The following EOGT variants were observed in gnomAD, a reference collection of about 807,000 sequenced individuals.
EOGT encodes EGF domain specific O-linked N-acetylglucosamine transferase.
A neutral mutation model predicts 70.5 loss-of-function variants in EOGT; 55 were observed. That is an observed-to-expected ratio of 0.78 (90% CI 0.63 to 0.98). The LOEUF is 0.98. Among genes scored for constraint, EOGT ranks in the 50% least tolerant of loss-of-function variants. EOGT has a pLI of 0.00. For synonymous variants in EOGT, 246 were observed against 217.1 expected (o/e 1.13, Z -1.17); for missense variants, 703 against 641.9 (o/e 1.10, Z -1.03).
intron 9 of EOGT, among the ~76,000 whole-genome samples, chr3:68,998,978 T>C (rs954821283): frequency 2.0e-5 from 3 of 152,182 alleles, no homozygotes; most frequent in Non-Finnish European, 2.9e-5. Context: ...ACATGTATCA[T>C]TCCTGGAAAA....
chr3:68,995,977 C>T (rs1367439514), intron 10 of EOGT, among the ~76,000 whole-genome samples: 1 of 152,098 alleles, frequency 6.6e-6, no homozygotes, highest in African/African-American at 2.4e-5. Context: ...ATGTTAATTA[C>T]AAAATTTAAA....
chr3:68,976,638 C>T lies in EOGT; in HGVS notation c.*980G>A, dbSNP rs2090478240. On this transcript the variant is annotated 3_prime_UTR_variant, in exon 18 of 18. Coordinates refer to ENST00000383701, the MANE Select transcript of EOGT (RefSeq NM_001278689.2). ...TAGCTTGGTACTGAGAATCACAACT[C>T]TGCGTGTGTGTGTGTGTGTGTGTGT... The T allele has an allele frequency of 1.8e-5, 1 of 57,036 alleles. No individual in the cohort carries two copies. 3.5% of individuals were successfully genotyped at this position (57,036 alleles called of 1,614,324 possible).
chr3:69,006,206 G>C (rs924823371), intron 6 of EOGT, among the ~76,000 whole-genome samples: 8 of 152,120 alleles, frequency 5.3e-5, no homozygotes, highest in African/African-American at 1.4e-4. Context: ...TTATTATCTT[G>C]CCCTTTCCAT....
At position 69,010,165 on chromosome 3, in the gene EOGT, G is replaced by T. The variant is rs6807096; in HGVS notation, c.-14-305C>A. On this transcript the variant is annotated intron_variant, in intron 3 of 17. Transcript: ENST00000383701. ...ACAAGCAATCAAATAAACAACTTCA[G>T]CTGATGACTGGGCCTGTGAATCAAA... 0.25 allele frequency among the ~76,000 whole-genome samples: 38,252 copies of T among 152,080 alleles called. 5,420 individuals carry two copies. The highest frequency in any genetic ancestry group is 0.5 in the East Asian group (2,570 of 5,156).
intron 1 of EOGT, 129 bp downstream of exon 1, chr3:69,013,445 G>A (rs145044895): frequency 0.038 from 5,730 of 152,196 alleles, 173 homozygotes; most frequent in Non-Finnish European, 0.053. Flanking sequence ...GGCGGAGTGC[G>A]TGCGTAGGCT....
At chr3:68,986,451 A>G (rs1198738164) in intron 14 of EOGT, among the ~76,000 whole-genome samples, 2 of 152,176 alleles carry the variant, frequency 1.3e-5, no homozygotes, top group African/African-American at 4.8e-5. Flanking sequence ...GGAGGCTGAT[A>G]CGATCTGTGG....
intron 13 of EOGT, 36 bp downstream of exon 13, chr3:68,988,259 T>A (rs2090873601): frequency 7.1e-7 from 1 of 1,401,964 alleles, no homozygotes; most frequent in Non-Finnish European, 9.7e-7. Flanking sequence ...GGAAGAAAAC[T>A]CAAGCCCACC....
intron 10 of EOGT, among the ~76,000 whole-genome samples, chr3:68,996,826 T>C (rs2091162179): frequency 6.6e-6 from 1 of 152,210 alleles, no homozygotes; most frequent in African/African-American, 2.4e-5. Flanking sequence ...TGGAACCTTA[T>C]ATGACCCCTT....
intron 4 of EOGT, among the ~76,000 whole-genome samples, chr3:69,008,955 A>T (rs544059778): frequency 6.6e-6 from 1 of 152,264 alleles, no homozygotes; most frequent in Non-Finnish European, 1.5e-5. Context: ...CAAGATCAGC[A>T]GAGACCCCAC....
At chr3:69,000,153 G>A (rs987353669) in intron 9 of EOGT, among the ~76,000 whole-genome samples, 7 of 152,172 alleles carry the variant, frequency 4.6e-5, no homozygotes, top group Admixed American at 3.3e-4. Context: ...TTGAGCCCAG[G>A]AAGTTGAGGC....
chr3:68,992,326 C>A (rs1379847644), intron 10 of EOGT, among the ~76,000 whole-genome samples: 1 of 152,154 alleles, frequency 6.6e-6, no homozygotes, highest in African/African-American at 2.4e-5. Context: ...GTAATTACAG[C>A]CGTTCCAAAT....
intron 7 of EOGT, 119 bp downstream of exon 7, chr3:69,005,021 C>G (rs545665809): frequency 8.1e-6 from 5 of 618,922 alleles, no homozygotes; most frequent in Non-Finnish European, 1.4e-5. Flanking sequence ...ATGATTACAC[C>G]GCTGCACTCC....
In EOGT at chr3:68,998,058, C is replaced by T. The variant is rs765747959; in HGVS notation, c.784G>A (p.Val262Ile). The change falls in exon 10 of 18, where the codon GTT becomes ATT. Residue 262 changes from valine to isoleucine, a missense_variant. Transcript: ENST00000383701. ...ACGTCAGTACTGAATGAGTTATTAA[C>T]GTGCTGAGTAATATAAAGATTGATG... ...DFINLYITQHVNNSFSTDVYI... is the reference protein window; with the variant it reads ...DFINLYITQHINNSFSTDVYI... 8 of 1,601,246 alleles carry T rather than the reference C, an allele frequency of 5.0e-6. No homozygotes were observed. The highest frequency in any genetic ancestry group is 3.5e-5 in the Admixed American group (2 of 57,472).
At chr3:68,989,766 A>G (rs1287283351) in intron 10 of EOGT, among the ~76,000 whole-genome samples, 3 of 147,854 alleles carry the variant, frequency 2.0e-5, no homozygotes, top group African/African-American at 7.5e-5. Flanking sequence ...AAAAAAAAAA[A>G]AAAAGAAAGG....
chr3:69,002,833 TTTTTA>T (rs1047262721), intron 8 of EOGT, among the ~76,000 whole-genome samples: 1 of 152,074 alleles, frequency 6.6e-6, no homozygotes, highest in African/African-American at 2.4e-5. Context: ...TTATTTTTAT[TTTTTA>T]TTTTTCTTTT....
intron 16 of EOGT, among the ~76,000 whole-genome samples, chr3:68,978,847 A>G (rs1310167306): frequency 6.6e-6 from 1 of 152,088 alleles, no homozygotes; most frequent in Non-Finnish European, 1.5e-5. Context: ...TCTCAGTTAC[A>G]TTTCTCTCCC....
At chr3:69,012,084 A>C (rs1179761429) in intron 2 of EOGT, 93 bp from the exon 3 acceptor site, 1 of 152,192 alleles carries the variant, frequency 6.6e-6, no homozygotes, top group Non-Finnish European at 1.5e-5. Flanking sequence ...ATTAAGAAAG[A>C]AAATAATGTA....
At chr3:68,996,665 C>A (rs564833049) in intron 10 of EOGT, among the ~76,000 whole-genome samples, 1 of 152,168 alleles carries the variant, frequency 6.6e-6, no homozygotes, top group African/African-American at 2.4e-5. Context: ...TCTCCTTGCA[C>A]CTGAGCTGTG....
chr3:68,992,094 T>C (rs150465545), intron 10 of EOGT, among the ~76,000 whole-genome samples: 1 of 152,104 alleles, frequency 6.6e-6, no homozygotes, highest in African/African-American at 2.4e-5. Context: ...AGCCAAACCA[T>C]ATCATTCTGC....
Sources: allele counts gnomAD v4.1 joint callset (sites outside exome capture counted in the v4.1 genomes callset), GRCh38; gene constraint gnomAD v4.1.1; transcripts MANE v1.5; gene names NCBI Gene and HGNC (gene_info 2026-07-23, HGNC 2026-07-21).